The following PLEKHA7 variants were observed in gnomAD, a reference collection of about 807,000 sequenced individuals.
PLEKHA7 encodes pleckstrin homology domain containing A7, also known as pleckstrin homology domain-containing family A member 7.
Under a neutral mutation model 170.0 loss-of-function variants are expected in PLEKHA7, and 104 were observed. That is an observed-to-expected ratio of 0.61 (90% CI 0.52 to 0.72). PLEKHA7 has a LOEUF of 0.72. Ranked by LOEUF, PLEKHA7 falls within the 30% of genes least tolerant of loss-of-function variation. PLEKHA7 has a pLI of 0.00. For missense variants in PLEKHA7, 1,615 were observed against 1,671.7 expected (o/e 0.97, Z 0.59); for synonymous variants, 648 against 660.8 (o/e 0.98, Z 0.30).
chr11:16,862,200 C>T (rs188163653), intron 4 of PLEKHA7, among the ~76,000 whole-genome samples: 51 of 152,326 alleles, frequency 3.3e-4, no homozygotes, highest in Non-Finnish European at 1.3e-4. Flanking sequence ...CCTCACCCCA[C>T]TCTACCCCAG....
chr11:16,803,368 CTATAATG>C, intron 13 of PLEKHA7, 73 bp from the exon 14 acceptor site: 1 of 1,477,266 alleles, frequency 6.8e-7, no homozygotes, highest in African/African-American at 1.4e-5. Flanking sequence ...AAAATTCATC[CTATAATG>C]GATGGTGTGG....
chr11:17,007,876 A>G (rs1456010197), intron 3 of PLEKHA7, among the ~76,000 whole-genome samples: 3 of 152,158 alleles, frequency 2.0e-5, no homozygotes, highest in African/African-American at 7.2e-5. Context: ...CGCCCGGCCT[A>G]AAGATATTCA....
chr11:16,965,923 C>A (rs1307071025), intron 3 of PLEKHA7, among the ~76,000 whole-genome samples: 2 of 152,218 alleles, frequency 1.3e-5, no homozygotes, highest in African/African-American at 4.8e-5. Flanking sequence ...TGGCTCACAC[C>A]TGTAATCCCA....
Position 16,791,027 on chromosome 11 carries a change from A to G in PLEKHA7, c.2918T>C (p.Val973Ala). 6.2e-7 allele frequency: 1 copy of G among 1,614,008 alleles called. No individual in the cohort carries two copies. The highest frequency in any genetic ancestry group is 8.5e-7 in the Non-Finnish European group (1 of 1,180,002). Residue 973 changes from valine to alanine, a missense_variant, in exon 20 of 27, where the codon GTG becomes GCG. Physicochemically the swap from Val to Ala is moderately conservative, Grantham distance 64 (BLOSUM62 0). Coordinates refer to ENST00000531066, the MANE Select transcript of PLEKHA7 (RefSeq NM_001329630.2). The surrounding 1 kb of genome is among the most constrained non-coding windows in gnomAD (Gnocchi z 4.5). ...CCCGCTCACCCTGGAATCCCCATTC[A>G]CACACTGCCCCAGCTCCCGGTCTCG... ...RKRDRELGQC[V>A]NGDSRVELRS...
chr11:16,838,263 C>T (rs1457800979), intron 9 of PLEKHA7, among the ~76,000 whole-genome samples: 1 of 152,092 alleles, frequency 6.6e-6, no homozygotes, highest in Non-Finnish European at 1.5e-5. Flanking sequence ...ATCTCAGCTA[C>T]TTGGGAGGCT....
Position 16,794,891 on chromosome 11 carries a change from A to T in PLEKHA7, c.2518+19T>A. 1 of 1,516,288 alleles carries T rather than the reference A, an allele frequency of 6.6e-7. No homozygotes were observed. Among genetic ancestry groups the T allele is most frequent in the Non-Finnish European group, 9.0e-7 (1 of 1,108,134 alleles). 93.9% of individuals were successfully genotyped at this position (1,516,288 alleles called of 1,614,324 possible). ...GCCCCCAATCAGATCCCCCACATCC[A>T]GGAAGATGAACATCTCACCCGGATT... On this transcript the variant is annotated intron_variant, in intron 18 of 26. Coordinates refer to ENST00000531066, the MANE Select transcript of PLEKHA7 (RefSeq NM_001329630.2).
At chr11:16,879,716 T>C (rs1855569238) in intron 3 of PLEKHA7, among the ~76,000 whole-genome samples, 1 of 152,194 alleles carries the variant, frequency 6.6e-6, no homozygotes, top group Admixed American at 6.5e-5. Flanking sequence ...CTGAGCAAAC[T>C]TAAAGCCCTC....
At position 16,944,633 on chromosome 11, in the gene PLEKHA7, G is replaced by A. The variant is rs555506528; in HGVS notation, c.221+69356C>T. Reference sequence around the variant, plus strand: ...CCCAGGAGACCTCATTCACTGAATTGGACTGCTGGTATCATTCTTTCTATG... The same window carrying A: ...CCCAGGAGACCTCATTCACTGAATTAGACTGCTGGTATCATTCTTTCTATG... On this transcript the variant is annotated intron_variant, in intron 3 of 26. Transcript: ENST00000531066. 1.1e-4 allele frequency among the ~76,000 whole-genome samples: 16 copies of A among 151,740 alleles called. No individual in the cohort carries two copies. The South Asian group carries it at 3.3e-3, about 32-fold the overall frequency.
At position 16,975,186 on chromosome 11, in the gene PLEKHA7, C is replaced by T. The variant is rs35029720; in HGVS notation, c.221+38803G>A. 6.5e-3 allele frequency among the ~76,000 whole-genome samples: 984 copies of T among 152,272 alleles called. 9 individuals carry two copies. Among genetic ancestry groups the T allele is most frequent in the African/African-American group, 0.023 (942 of 41,546 alleles). ...GAAATGTACCCTCTTCTAAGTCTTC[C>T]GCTGATCTGTTCTCCATTACTATAA... is the stretch of plus-strand genomic sequence containing the variant. On this transcript the variant is annotated intron_variant, in intron 3 of 26. Coordinates refer to ENST00000531066, the MANE Select transcript of PLEKHA7 (RefSeq NM_001329630.2).
rs578195678 is a variant in PLEKHA7, at chr11:16,791,488, G to A, written c.2746-289C>T. ...TCAGGTCTCCTGGGTCCATGCCCTC[G>A]GTGCTGTGCTGAACTGCTCCCTCCG... On this transcript the variant is annotated intron_variant, in intron 19 of 26. Coordinates refer to ENST00000531066, the MANE Select transcript of PLEKHA7 (RefSeq NM_001329630.2). This position sits in a 1 kb window ranked among gnomAD's most constrained non-coding sequence, Gnocchi z 4.5. 1.2e-4 allele frequency: 72 copies of A among 592,716 alleles called. No homozygotes were observed. Among genetic ancestry groups the A allele is most frequent in the South Asian group, 7.0e-4 (45 of 64,188 alleles). The allele number at this position is 592,716 out of a possible 1,614,324, so 36.7% of individuals were successfully genotyped here. A position where few individuals can be genotyped will look rare whatever the true frequency, so the allele number is the denominator to read the frequency against.
intron 4 of PLEKHA7, among the ~76,000 whole-genome samples, chr11:16,869,132 T>C (rs79254086): frequency 1.3e-3 from 199 of 152,356 alleles, no homozygotes; most frequent in African/African-American, 4.5e-3. Flanking sequence ...GGAATCCACA[T>C]ATCCTGGCTC....
rs183901902 is a variant in PLEKHA7 at position 16,872,999 on chromosome 11, C to A, written c.222-1817G>T. Among the ~76,000 whole-genome samples the A allele has an allele frequency of 3.9e-5, 6 of 152,210 alleles. No homozygotes were observed. The East Asian group carries it at 1.2e-3, about 29-fold the overall frequency. On this transcript the variant is annotated intron_variant, in intron 3 of 26. Transcript: ENST00000531066. The stretch of plus-strand genomic sequence containing the variant: ...TCCCCCCCACTATTATAATCTATAT[C>A]TCTTTCAATGTAATTTGAATTTTCC...
chr11:16,949,271 T>A (rs917567285), intron 3 of PLEKHA7, among the ~76,000 whole-genome samples: 1 of 152,076 alleles, frequency 6.6e-6, no homozygotes, highest in African/African-American at 2.4e-5. Flanking sequence ...CCCCTGCAGG[T>A]GGGAAGGGGT....
intron 3 of PLEKHA7, among the ~76,000 whole-genome samples, chr11:16,896,895 A>G (rs953901913): frequency 1.4e-5 from 2 of 147,506 alleles, no homozygotes; most frequent in African/African-American, 5.4e-5. Flanking sequence ...GCCTTCCACG[A>G]TATGAGGCTG....
chr11:16,980,774 A>T (rs542852640), intron 3 of PLEKHA7, among the ~76,000 whole-genome samples: 35 of 152,142 alleles, frequency 2.3e-4, no homozygotes, highest in South Asian at 8.3e-4. Context: ...ATACAAAAAA[A>T]TTAGCAGGAG....
intron 26 of PLEKHA7, chr11:16,780,893 T>C (rs1406824468): frequency 2.9e-6 from 2 of 699,944 alleles, no homozygotes. Flanking sequence ...GGCTCAGCGC[T>C]AGGGAGGTGC....
At chr11:16,822,501 GGAAAAAAAAAAAA>G (rs1454199438) in intron 10 of PLEKHA7, among the ~76,000 whole-genome samples, 4 of 126,336 alleles carry the variant, frequency 3.2e-5, no homozygotes, top group Non-Finnish European at 6.4e-5. Flanking sequence ...TTTTGGTAGG[GGAAAAAAAAAAAA>G]AAAAAAAAAA....
At chr11:16,917,643 C>T (rs1465868698) in intron 3 of PLEKHA7, among the ~76,000 whole-genome samples, 1 of 152,224 alleles carries the variant, frequency 6.6e-6, no homozygotes, top group Non-Finnish European at 1.5e-5. Flanking sequence ...CATGGGCCCA[C>T]CCAGATAATC....
At position 16,826,241 on chromosome 11, in the gene PLEKHA7, C is replaced by T; in HGVS notation, c.1222G>A (p.Gly408Arg). 2 of 1,614,242 alleles carry T rather than the reference C, an allele frequency of 1.2e-6. No homozygotes were observed. The highest frequency in any genetic ancestry group is 1.1e-5 in the South Asian group (1 of 91,078). ...PASYGPGEQN[G>R]TGGYQRAFPP... ...AAGGCCCGCTGGTACCCACCAGTCC[C>T]ATTCTGTTCTCCTGGGCCATATGAG... Residue 408 changes from glycine (G) to arginine (R), a missense_variant, in exon 10 of 27, where the codon GGG (glycine) becomes AGG (arginine). By Grantham distance (125) the Gly-to-Arg change is moderately radical (BLOSUM62 -2). Transcript: ENST00000531066.
Sources: gnomAD v4.1 joint callset for allele counts (sites outside exome capture counted in the v4.1 genomes callset) on GRCh38, gnomAD v4.1.1 for gene constraint, Gnocchi (gnomAD v3.1) non-coding constraint, MANE v1.5 for transcripts, NCBI Gene and HGNC (gene_info 2026-07-23, HGNC 2026-07-21) for gene names.